The following HERPUD2 variants were observed in gnomAD, a reference collection of about 807,000 sequenced individuals.
HERPUD2 encodes HERPUD family member 2, also known as homocysteine-responsive endoplasmic reticulum-resident ubiquitin-like domain member 2 protein.
Under a neutral mutation model 49.9 loss-of-function variants are expected in HERPUD2, and 13 were observed. That is an observed-to-expected ratio of 0.26 (90% CI 0.17 to 0.41). The LOEUF (loss-of-function observed/expected upper bound fraction) is 0.41. HERPUD2 is among the 10% of genes least tolerant of loss of function. HERPUD2 has a pLI of 1.00. For synonymous variants in HERPUD2, 172 were observed against 171.4 expected, an observed-to-expected ratio of 1.00 and a Z score of -0.03; for missense variants, 449 against 492.2, an observed-to-expected ratio of 0.91 and a Z score of 0.83.
intron 4 of HERPUD2, among the ~76,000 whole-genome samples, 160 bp downstream of exon 4, chr7:35,670,055 T>C (rs894768104): frequency 1.6e-4 from 24 of 151,964 alleles, no homozygotes; most frequent in African/African-American, 5.1e-4. Flanking sequence ...TCTTTCAAAA[T>C]GGTAAACTTT....
At chr7:35,647,635 C>T (rs1426691347) in intron 5 of HERPUD2, among the ~76,000 whole-genome samples, 1 of 152,094 alleles carries the variant, frequency 6.6e-6, no homozygotes, top group Admixed American at 6.5e-5. Flanking sequence ...AGTCAAAATA[C>T]GAATGATAAC....
chr7:35,642,996 A>G (rs1345183630), intron 5 of HERPUD2, among the ~76,000 whole-genome samples: 1 of 152,182 alleles, frequency 6.6e-6, no homozygotes, highest in Non-Finnish European at 1.5e-5. Flanking sequence ...CAACTGCCCA[A>G]GTAATTCTAT....
At chr7:35,690,816 AAAAAAG>A (rs999274113) in intron 2 of HERPUD2, among the ~76,000 whole-genome samples, 2 of 152,192 alleles carry the variant, frequency 1.3e-5, no homozygotes, top group African/African-American at 4.8e-5. Flanking sequence ...TCTCAAAAAA[AAAAAAG>A]AACGGTATAA....
At chr7:35,667,853 A>C (rs1411554879) in intron 4 of HERPUD2, among the ~76,000 whole-genome samples, 1 of 152,198 alleles carries the variant, frequency 6.6e-6, no homozygotes, top group Non-Finnish European at 1.5e-5. Flanking sequence ...CAAAAACAGC[A>C]TATTAAATTC....
At chr7:35,687,558 T>G (rs1036844419) in intron 2 of HERPUD2, among the ~76,000 whole-genome samples, 1 of 152,214 alleles carries the variant, frequency 6.6e-6, no homozygotes, top group Non-Finnish European at 1.5e-5. Context: ...GCTGCTTAAC[T>G]AGCTGGCCGA....
At chr7:35,678,546 C>T (rs951017835) in intron 2 of HERPUD2, among the ~76,000 whole-genome samples, 2 of 152,152 alleles carry the variant, frequency 1.3e-5, no homozygotes, top group Admixed American at 6.5e-5. Context: ...AGTGATCCGC[C>T]CGCCTCAGCC....
chr7:35,648,638 C>G (rs756599432), intron 5 of HERPUD2, among the ~76,000 whole-genome samples: 2 of 152,178 alleles, frequency 1.3e-5, no homozygotes, highest in South Asian at 2.1e-4. Context: ...GTAAATGTGA[C>G]AGATAGAAGA....
At chr7:35,663,318 C>G (rs1785467613) in intron 5 of HERPUD2, among the ~76,000 whole-genome samples, 1 of 152,168 alleles carries the variant, frequency 6.6e-6, no homozygotes, top group Non-Finnish European at 1.5e-5. Context: ...TGCTTTACTT[C>G]CAACTATGTG....
intron 5 of HERPUD2, among the ~76,000 whole-genome samples, chr7:35,649,377 G>C (rs1267222057): frequency 6.6e-6 from 1 of 152,028 alleles, no homozygotes; most frequent in African/African-American, 2.4e-5. Flanking sequence ...ACACACAGAA[G>C]TGTTTAGAAG....
At chr7:35,652,371 C>T (rs1785185522) in intron 5 of HERPUD2, among the ~76,000 whole-genome samples, 1 of 152,168 alleles carries the variant, frequency 6.6e-6, no homozygotes, top group South Asian at 2.1e-4. Flanking sequence ...CCTCGCCCAA[C>T]AATCCTCAAA....
At chr7:35,673,304 T>C (rs764407427) in intron 2 of HERPUD2, 26 bp from the exon 3 acceptor site, 4 of 1,548,266 alleles carry the variant, frequency 2.6e-6, no homozygotes, top group Non-Finnish European at 3.5e-6. Flanking sequence ...AAGAAAAGAA[T>C]TCAACTTTTC....
intron 6 of HERPUD2, among the ~76,000 whole-genome samples, chr7:35,636,487 T>TA (rs1164585359): frequency 6.6e-6 from 1 of 152,156 alleles, no homozygotes; most frequent in Non-Finnish European, 1.5e-5. Flanking sequence ...ATGATGCACA[T>TA]AAGAGTATAT....
intron 5 of HERPUD2, among the ~76,000 whole-genome samples, chr7:35,652,968 A>G (rs1785198569): frequency 6.6e-6 from 1 of 152,124 alleles, no homozygotes; most frequent in Non-Finnish European, 1.5e-5. Flanking sequence ...ATATGTCACC[A>G]CTACAGAAAA....
chr7:35,633,366 G>C lies in HERPUD2; in HGVS notation c.*324C>G, dbSNP rs35321159. On this transcript the variant is annotated 3_prime_UTR_variant, in exon 9 of 9. Transcript: ENST00000311350. The stretch of plus-strand genomic sequence containing the variant: ...TTACAGACGTGAGCCATGGCGCCCG[G>C]CCAATGAAGCAGCTCTTTAAAGAAA... The C allele has an allele frequency of 0.17, 27,341 of 157,822 alleles. 2,675 individuals carry two copies. Among genetic ancestry groups the C allele is most frequent in the East Asian group, 0.3 (1,660 of 5,498 alleles). 9.8% of individuals were successfully genotyped at this position (157,822 alleles called of 1,614,324 possible). A position where few individuals can be genotyped will look rare whatever the true frequency, so the allele number is the denominator to read the frequency against.
In HERPUD2 at chr7:35,667,555, A is replaced by G; in HGVS notation, c.373T>C (p.Ser125Pro). Residue 125 changes from serine to proline, a missense_variant, in exon 5 of 9, where the codon TCT becomes CCT. Transcript: ENST00000311350. ...SDHSGSTTPS[S>P]GQETLSLAVG... ...GCTAAAGACAAGGTTTCTTGACCAG[A>G]TGATGGAGTTGTTGATCCTGAATGA... The G allele has an allele frequency of 1.2e-6, 2 of 1,613,728 alleles. No homozygotes were observed. The highest frequency in any genetic ancestry group is 2.2e-5 in the East Asian group (1 of 44,880).
At chr7:35,678,690 G>A (rs1290226709) in intron 2 of HERPUD2, among the ~76,000 whole-genome samples, 1 of 152,112 alleles carries the variant, frequency 6.6e-6, no homozygotes, top group African/African-American at 2.4e-5. Flanking sequence ...ATACTTTGAT[G>A]TTAGTCAAAG....
At chr7:35,637,785 A>T (rs138131085) in intron 6 of HERPUD2, among the ~76,000 whole-genome samples, 180 of 152,360 alleles carry the variant, frequency 1.2e-3, no homozygotes, top group African/African-American at 4.3e-3. Flanking sequence ...AGAAAGAGTG[A>T]CCAGAAAGAT....
At chr7:35,633,923 A>C in intron 8 of HERPUD2, 72 bp from the exon 9 acceptor site, 1 of 1,447,418 alleles carries the variant, frequency 6.9e-7, no homozygotes, top group Admixed American at 2.1e-5. Flanking sequence ...AATACAGTTA[A>C]ATTCTTTGTA....
intron 2 of HERPUD2, among the ~76,000 whole-genome samples, chr7:35,682,347 GTGTGTGTGTGTATATATATATA>G (rs1785925866): frequency 1.2e-3 from 34 of 29,128 alleles, no homozygotes; most frequent in South Asian, 4.8e-3. Flanking sequence ...GTGTGTGTGT[GTGTGTGTGTGTATATATATATA>G]TATATATATA....
Sources: allele counts gnomAD v4.1 joint callset (sites outside exome capture counted in the v4.1 genomes callset), GRCh38; gene constraint gnomAD v4.1.1; transcripts MANE v1.5; gene names NCBI Gene and HGNC (gene_info 2026-07-23, HGNC 2026-07-21).